PARD3: variants seen among roughly 807,000 people sequenced by gnomAD.
PARD3 encodes the protein par-3 family cell polarity regulator.
Under a neutral mutation model 155.4 loss-of-function variants are expected in PARD3, and 75 were observed. The observed-to-expected ratio is 0.48, with a 90% confidence interval of 0.40 to 0.58. The LOEUF is 0.58. PARD3 is among the 20% of genes least tolerant of loss of function. The pLI is 0.00. For synonymous variants in PARD3, 576 were observed against 610.5 expected, an observed-to-expected ratio of 0.94 and a Z score of 0.83; for missense variants, 1,642 against 1,721.7, an observed-to-expected ratio of 0.95 and a Z score of 0.82.
intron 1 of PARD3, among the ~76,000 whole-genome samples, chr10:34,784,726 C>G (rs1447478489): frequency 2.0e-5 from 3 of 152,162 alleles, no homozygotes. Flanking sequence ...CGTGAGCCAC[C>G]GTGCCCGGCC....
intron 2 of PARD3, among the ~76,000 whole-genome samples, chr10:34,552,682 C>A (rs1245597193): frequency 1.3e-5 from 2 of 151,218 alleles, no homozygotes; most frequent in Non-Finnish European, 1.5e-5. Flanking sequence ...CCATTGCACT[C>A]CAGCCTGGGC....
rs2075682064 is a variant in PARD3 at position 34,427,531 on chromosome 10, G to A, written c.714+22786C>T. Among the ~76,000 whole-genome samples, 6 of 152,168 alleles carry A rather than the reference G, an allele frequency of 3.9e-5. No individual in the cohort carries two copies. In the South Asian group the frequency reaches 1.2e-3, roughly 32 times the overall value. On this transcript the variant is annotated intron_variant, in intron 5 of 24. Coordinates refer to ENST00000374788, the MANE Select transcript of PARD3 (RefSeq NM_001184785.2). ...TGACAATGCATGCACAGCGGGACATGGAAGTTCATTAGTGATTCTAGTTTC... is the reference window on the plus strand; with the variant it reads ...TGACAATGCATGCACAGCGGGACATAGAAGTTCATTAGTGATTCTAGTTTC...
chr10:34,145,221 A>ATATATATATATATTTTTTTTT (rs1491430560), intron 22 of PARD3, among the ~76,000 whole-genome samples: 1 of 33,972 alleles, frequency 2.9e-5, no homozygotes, highest in African/African-American at 1.4e-4. Flanking sequence ...ATATATATAT[A>ATATATATATATATTTTTTTTT]TTTTTTTTTT....
intron 22 of PARD3, among the ~76,000 whole-genome samples, chr10:34,172,761 CA>C (rs1049509877): frequency 1.1e-4 from 14 of 130,936 alleles, no homozygotes; most frequent in South Asian, 4.9e-4. Flanking sequence ...AAAAAAAAAA[CA>C]AAAAAAAAAC....
At chr10:34,445,234 GA>G (rs1224239115) in intron 5 of PARD3, among the ~76,000 whole-genome samples, 1 of 152,180 alleles carries the variant, frequency 6.6e-6, no homozygotes, top group East Asian at 1.9e-4. Context: ...AATTAAATGG[GA>G]ATAATTGGAA....
At chr10:34,485,043 A>G (rs2133247552) in intron 3 of PARD3, among the ~76,000 whole-genome samples, 1 of 152,282 alleles carries the variant, frequency 6.6e-6, no homozygotes, top group African/African-American at 2.4e-5. Flanking sequence ...GTCTCAATCA[A>G]TTTAGAAGTT....
At chr10:34,312,409 A>G in intron 20 of PARD3, 2 of 1,610,298 alleles carry the variant, frequency 1.2e-6, no homozygotes, top group Non-Finnish European at 1.7e-6. Flanking sequence ...GTACAGACAC[A>G]CAGTTAGTAC....
At chr10:34,783,589 A>C (rs1564615780) in intron 1 of PARD3, among the ~76,000 whole-genome samples, 2 of 139,244 alleles carry the variant, frequency 1.4e-5, no homozygotes, top group African/African-American at 5.5e-5. Context: ...GGGCGACAGA[A>C]CGAGACTCCG....
intron 22 of PARD3, among the ~76,000 whole-genome samples, chr10:34,197,430 AC>A (rs1951000566): frequency 6.6e-6 from 1 of 152,142 alleles, no homozygotes; most frequent in East Asian, 1.9e-4. Flanking sequence ...AACACAGGCC[AC>A]CCGCCCATTC....
intron 15 of PARD3, chr10:34,346,433 T>C (rs1208189773): frequency 3.7e-6 from 5 of 1,348,278 alleles, no homozygotes; most frequent in Admixed American, 4.0e-5. Context: ...TGATTCAGTA[T>C]GGCAAGTCCT....
intron 2 of PARD3, among the ~76,000 whole-genome samples, chr10:34,665,040 G>A (rs1590499787): frequency 6.6e-6 from 1 of 151,404 alleles, no homozygotes; most frequent in East Asian, 1.9e-4. Flanking sequence ...GGAGAGGGAG[G>A]GGGATCCTAC....
At chr10:34,706,380 T>C (rs993630589) in intron 1 of PARD3, among the ~76,000 whole-genome samples, 1 of 152,128 alleles carries the variant, frequency 6.6e-6, no homozygotes, top group African/African-American at 2.4e-5. Flanking sequence ...AGCGTCAGGG[T>C]TGCTTGTCTT....
intron 1 of PARD3, among the ~76,000 whole-genome samples, chr10:34,723,261 G>C (rs2094637603): frequency 6.6e-6 from 1 of 152,044 alleles, no homozygotes; most frequent in African/African-American, 2.4e-5. Context: ...GGAGAACCTA[G>C]GAGGCCTGGG....
chr10:34,341,474 G>T (rs1589236832), intron 16 of PARD3, among the ~76,000 whole-genome samples, 153 bp downstream of exon 16: 1 of 152,092 alleles, frequency 6.6e-6, no homozygotes, highest in Non-Finnish European at 1.5e-5. Flanking sequence ...CAGAGTTCGG[G>T]TATAATCTTT....
chr10:34,567,896 G>C (rs931851181), intron 2 of PARD3, among the ~76,000 whole-genome samples: 9 of 152,184 alleles, frequency 5.9e-5, no homozygotes, highest in Admixed American at 3.9e-4. Context: ...GTAGGCTCTA[G>C]CTAGCAAGCA....
At chr10:34,220,736 T>C (rs1039390097) in intron 22 of PARD3, among the ~76,000 whole-genome samples, 2 of 152,218 alleles carry the variant, frequency 1.3e-5, no homozygotes, top group East Asian at 1.9e-4. Context: ...TCTCAGCACA[T>C]AGTTGGTTCA....
intron 5 of PARD3, among the ~76,000 whole-genome samples, chr10:34,446,949 T>A (rs2076769684): frequency 6.6e-6 from 1 of 152,202 alleles, no homozygotes; most frequent in Non-Finnish European, 1.5e-5. Context: ...ATTCCAGCAT[T>A]TAGTCAACAA....
At chr10:34,271,597 C>T (rs1955612842) in intron 21 of PARD3, among the ~76,000 whole-genome samples, 1 of 152,192 alleles carries the variant, frequency 6.6e-6, no homozygotes, top group Non-Finnish European at 1.5e-5. Flanking sequence ...TTCCCTCATG[C>T]ATAATGGAGA....
intron 2 of PARD3, among the ~76,000 whole-genome samples, chr10:34,602,342 C>T (rs1180302518): frequency 6.6e-6 from 1 of 152,104 alleles, no homozygotes; most frequent in Non-Finnish European, 1.5e-5. Context: ...TGTAGATCCA[C>T]TAATGGAAAA....
Sources: gnomAD v4.1 joint callset for allele counts (sites outside exome capture counted in the v4.1 genomes callset) on GRCh38, gnomAD v4.1.1 for gene constraint, MANE v1.5 for transcripts, NCBI Gene and HGNC (gene_info 2026-07-23, HGNC 2026-07-21) for gene names.